Variants in ANKRD27 observed in about 807,000 individuals in gnomAD.
ANKRD27 encodes the protein ankyrin repeat domain 27.
Under a neutral mutation model 129.7 loss-of-function variants are expected in ANKRD27, and 112 were observed. The ratio of observed to expected loss-of-function variants is 0.86; its 90% CI spans 0.74 to 1.01. ANKRD27 has a LOEUF of 1.01. Ranked by LOEUF, ANKRD27 falls within the 50% of genes least tolerant of loss-of-function variation. The pLI, the probability that ANKRD27 is intolerant of heterozygous loss-of-function variation, is 0.00. For synonymous variants in ANKRD27, 516 were observed against 511.2 expected, an observed-to-expected ratio of 1.01 and a Z score of -0.13; for missense variants, 1,258 against 1,300.5, an observed-to-expected ratio of 0.97 and a Z score of 0.50.
At chr19:32,617,725 G>A (rs1599742056) in intron 20 of ANKRD27, 92 bp from the exon 21 acceptor site, 1 of 530,422 alleles carries the variant, frequency 1.9e-6, no homozygotes, top group Non-Finnish European at 3.4e-6. Context: ...CTATTGGCTT[G>A]ATTTGTGGAC....
intron 12 of ANKRD27, among the ~76,000 whole-genome samples, chr19:32,632,875 T>C (rs2145289654): frequency 6.6e-6 from 1 of 152,190 alleles, no homozygotes; most frequent in East Asian, 1.9e-4. Flanking sequence ...ACAGCATCTC[T>C]GGGGATAGGC....
At position 32,672,131 on chromosome 19, in the gene ANKRD27, G is replaced by A. The variant is rs1048936256; in HGVS notation, c.-31+2940C>T. Among the ~76,000 whole-genome samples, 48 of 152,348 alleles carry A rather than the reference G, an allele frequency of 3.2e-4. No homozygotes were observed. In the South Asian group the frequency reaches 9.1e-3, roughly 29 times the overall value. Reference sequence around the variant, plus strand: ...GCACTCCCTGCTGAAATCTCACTGCGATGGCCGTTCCCGCCCTTCCGGGGC... The same window carrying A: ...GCACTCCCTGCTGAAATCTCACTGCAATGGCCGTTCCCGCCCTTCCGGGGC... On this transcript the variant is annotated intron_variant, in intron 1 of 28. Coordinates refer to ENST00000306065, the MANE Select transcript of ANKRD27 (RefSeq NM_032139.3).
Position 32,643,577 on chromosome 19 carries a change from G to A in ANKRD27, c.580C>T (p.His194Tyr), listed in dbSNP as rs150864291. ...KCLQQLLRDS[H>Y]LKMLAKQEAQ... ...TCAGAAGTCCTGCTGCTTACCAGGT[G>A]AGAGTCCCTCAGAAGCTGCTGGAGG... The change falls in exon 6 of 29, where the codon CAC becomes TAC. Residue 194 changes from histidine (H) to tyrosine (Y), a missense_variant. Physicochemically the swap from His to Tyr is moderately conservative, Grantham distance 83. Coordinates refer to ENST00000306065, the MANE Select transcript of ANKRD27 (RefSeq NM_032139.3). 3.7e-6 allele frequency: 6 copies of A among 1,614,016 alleles called. No individual in the cohort carries two copies. The highest frequency in any genetic ancestry group is 2.2e-5 in the East Asian group (1 of 44,870).
At chr19:32,649,858 G>A in intron 2 of ANKRD27, 66 bp from the exon 3 acceptor site, 2 of 1,045,582 alleles carry the variant, frequency 1.9e-6, no homozygotes, top group South Asian at 1.3e-5. Flanking sequence ...AGAACAAGGT[G>A]TCCCCAAAGG....
rs758156368 is a variant in ANKRD27 at position 32,625,084 on chromosome 19, C to T, written c.1629+790G>A. On this transcript the variant is annotated intron_variant, in intron 17 of 28. Transcript: ENST00000306065. ...CAGCCTGGCCAACATGGTGAAACCC[C>T]GACTTTACTAAAAATACAAAAATTA... Among the ~76,000 whole-genome samples, 255 of 152,020 alleles carry T rather than the reference C, an allele frequency of 1.7e-3. 2 individuals are homozygous for T. The highest frequency in any genetic ancestry group is 5.3e-3 in the African/African-American group (219 of 41,478).
intron 2 of ANKRD27, chr19:32,655,070 C>T (rs1451717711): frequency 6.6e-6 from 1 of 152,398 alleles, no homozygotes; most frequent in African/African-American, 2.4e-5. Flanking sequence ...GCATGAGCCA[C>T]TGTGCCTGGC....
At chr19:32,618,987 C>G (rs565901169) in intron 20 of ANKRD27, among the ~76,000 whole-genome samples, 1 of 152,206 alleles carries the variant, frequency 6.6e-6, no homozygotes, top group Non-Finnish European at 1.5e-5. Context: ...TCTTCTTAGC[C>G]TATCCTCTCT....
At chr19:32,616,029 T>C (rs1399814727) in intron 21 of ANKRD27, among the ~76,000 whole-genome samples, 1 of 152,140 alleles carries the variant, frequency 6.6e-6, no homozygotes, top group African/African-American at 2.4e-5. Context: ...CTCAGGGTGA[T>C]GGCTTTAAAA....
rs1322510693 is a variant in ANKRD27, at chr19:32,628,718, T to C, written c.1337+4A>G. 4 of 1,613,702 alleles carry C rather than the reference T, an allele frequency of 2.5e-6. No homozygotes were observed. The highest frequency in any genetic ancestry group is 3.4e-6 in the Non-Finnish European group (4 of 1,179,856). On this transcript the variant is annotated splice_donor_region_variant and intron_variant, in intron 14 of 28. Transcript: ENST00000306065. Reference sequence around the variant, plus strand: ...ACTCTGAGCCTCCACCAGCACCCTCTTACCCAGAGACGAGTTTCTCACAGT... The same window carrying C: ...ACTCTGAGCCTCCACCAGCACCCTCCTACCCAGAGACGAGTTTCTCACAGT...
intron 1 of ANKRD27, among the ~76,000 whole-genome samples, chr19:32,667,958 GA>G: frequency 6.6e-6 from 1 of 152,070 alleles, no homozygotes; most frequent in South Asian, 2.1e-4. Flanking sequence ...ACAATTAAAT[GA>G]ATGAAATATG....
At chr19:32,635,241 C>T (rs948999151) in intron 12 of ANKRD27, among the ~76,000 whole-genome samples, 6 of 152,258 alleles carry the variant, frequency 3.9e-5, no homozygotes, top group Middle Eastern at 3.4e-3. Context: ...GCAGGAAAGC[C>T]GGCCAGGGAG....
intron 2 of ANKRD27, among the ~76,000 whole-genome samples, chr19:32,650,273 C>A (rs535753233): frequency 6.6e-6 from 1 of 152,168 alleles, no homozygotes; most frequent in African/African-American, 2.4e-5. Context: ...GAAACATGGC[C>A]AGGCGTGGTG....
chr19:32,673,905 G>T (rs1417508756), intron 1 of ANKRD27, among the ~76,000 whole-genome samples: 2 of 151,838 alleles, frequency 1.3e-5, no homozygotes, highest in Non-Finnish European at 2.9e-5. Flanking sequence ...CCAACACCTT[G>T]GGAGGCCAAG....
rs28615461 is a variant in ANKRD27, at chr19:32,619,243, T to C, written c.2007+17A>G. 0.55 allele frequency: 874,700 copies of C among 1,594,666 alleles called. 245,023 individuals are homozygous for C. Among genetic ancestry groups the C allele is most frequent in the Non-Finnish European group, 0.58 (671,638 of 1,167,450 alleles). On this transcript the variant is annotated intron_variant, in intron 20 of 28. Transcript: ENST00000306065. Reference sequence around the variant, plus strand: ...GCCAAGGCCTCCCCTCCCCAGCCCTTCCTCTGGAAGCCTCACCTCTCTGTA... The same window carrying C: ...GCCAAGGCCTCCCCTCCCCAGCCCTCCCTCTGGAAGCCTCACCTCTCTGTA...
At chr19:32,612,729 A>T (rs1194453073) in intron 22 of ANKRD27, among the ~76,000 whole-genome samples, 1 of 152,236 alleles carries the variant, frequency 6.6e-6, no homozygotes, top group Admixed American at 6.5e-5. Flanking sequence ...TGCTGGCGCA[A>T]GTGGACACTT....
chr19:32,614,964 C>T (rs1971892012), intron 22 of ANKRD27, among the ~76,000 whole-genome samples: 1 of 152,162 alleles, frequency 6.6e-6, no homozygotes, highest in South Asian at 2.1e-4. Flanking sequence ...TTTCTCTGCA[C>T]TTGGAGGGAG....
At chr19:32,634,088 G>T (rs976201970) in intron 12 of ANKRD27, among the ~76,000 whole-genome samples, 2 of 152,108 alleles carry the variant, frequency 1.3e-5, no homozygotes, top group Non-Finnish European at 2.9e-5. Flanking sequence ...AAATTTCCAT[G>T]AAACTATATT....
At position 32,664,065 on chromosome 19, in the gene ANKRD27, AAAAAAAAAAG is replaced by A. The variant is rs1967699351; in HGVS notation, c.-30-5030_-30-5021del. Among the ~76,000 whole-genome samples, 3 of 146,608 alleles carry A rather than the reference AAAAAAAAAAG, an allele frequency of 2.0e-5. 1 individual carries two copies. ...AGCGAGACTCTGTCTCAAAAAAAAA[AAAAAAAAAAG>A]AAAGAAATAGGGTGCAATTAATTTT... is the stretch of plus-strand genomic sequence containing the variant. On this transcript the variant is annotated intron_variant, in intron 1 of 28. Coordinates refer to ENST00000306065, the MANE Select transcript of ANKRD27 (RefSeq NM_032139.3).
intron 10 of ANKRD27, among the ~76,000 whole-genome samples, chr19:32,641,192 C>T (rs12978120): frequency 0.41 from 62,109 of 150,878 alleles, 15,590 homozygotes; most frequent in Non-Finnish European, 0.57. Flanking sequence ...TGAGCCACCG[C>T]GCCCAGCCGA....
Sources: gnomAD v4.1 joint callset for allele counts (sites outside exome capture counted in the v4.1 genomes callset) on GRCh38, gnomAD v4.1.1 for gene constraint, MANE v1.5 for transcripts, NCBI Gene and HGNC (gene_info 2026-07-23, HGNC 2026-07-21) for gene names.